Variants in NR3C1 observed in about 807,000 individuals in gnomAD.
NR3C1 encodes the protein glucocorticoid receptor.
A neutral mutation model predicts 74.0 loss-of-function variants in NR3C1; 14 were observed. That is an observed-to-expected ratio of 0.19 (90% confidence interval 0.12 to 0.30). The LOEUF (loss-of-function observed/expected upper bound fraction) is 0.30. NR3C1 is among the 10% of genes least tolerant of loss of function. The pLI is 1.00. For missense variants in NR3C1, 695 were observed against 909.8 expected (o/e 0.76, Z 3.04); for synonymous variants, 308 against 332.5 (o/e 0.93, Z 0.80).
In NR3C1 at chr5:143,279,530, C is replaced by A; in HGVS notation, c.*2359G>T. ...AAAATTTATCCAGCCGGGTTACACA[C>A]CATCTTAAAATATTACATTCCCTTT... is the stretch of plus-strand genomic sequence containing the variant. On this transcript the variant is annotated 3_prime_UTR_variant, in exon 9 of 9. Transcript: ENST00000394464. 1.0e-6 allele frequency: 1 copy of A among 954,960 alleles called. No homozygotes were observed. The highest frequency in any genetic ancestry group is 1.4e-6 in the Non-Finnish European group (1 of 690,758). 59.2% of individuals were successfully genotyped at this position (954,960 alleles called of 1,614,324 possible).
intron 1 of NR3C1, among the ~76,000 whole-genome samples, chr5:143,418,432 A>G (rs192054221): frequency 5.5e-4 from 84 of 152,250 alleles, no homozygotes; most frequent in African/African-American, 1.6e-3. Context: ...CTGCTTAAGT[A>G]TCTGGACTTT....
intron 7 of NR3C1, among the ~76,000 whole-genome samples, chr5:143,293,523 T>C (rs1488692362): frequency 6.6e-6 from 1 of 152,108 alleles, no homozygotes; most frequent in Non-Finnish European, 1.5e-5. Flanking sequence ...CCTATTGAAA[T>C]CATTTTAAAA....
intron 2 of NR3C1, among the ~76,000 whole-genome samples, chr5:143,344,717 A>G (rs529196459): frequency 6.6e-6 from 1 of 152,242 alleles, no homozygotes; most frequent in South Asian, 2.1e-4. Flanking sequence ...TACTAAAAAT[A>G]CAAAAATTAG....
At chr5:143,386,428 G>A (rs1178635844) in intron 2 of NR3C1, among the ~76,000 whole-genome samples, 1 of 152,176 alleles carries the variant, frequency 6.6e-6, no homozygotes, top group Non-Finnish European at 1.5e-5. Flanking sequence ...TTAAAAGAAT[G>A]GGATCCGCAT....
At chr5:143,311,953 C>A (rs76794467) in intron 3 of NR3C1, among the ~76,000 whole-genome samples, 1 of 115,598 alleles carries the variant, frequency 8.7e-6, no homozygotes, top group African/African-American at 2.9e-5. Context: ...GCCACAGTGC[C>A]CAGCCCATTT....
In NR3C1 at chr5:143,400,619, T is replaced by A. The variant is rs764541357; in HGVS notation, c.221A>T (p.Gln74Leu). 6.2e-7 allele frequency: 1 copy of A among 1,614,246 alleles called. No homozygotes were observed. Among genetic ancestry groups the A allele is most frequent in the Non-Finnish European group, 8.5e-7 (1 of 1,180,032 alleles). ...AACTGCTTTGGACAGATCTGGCTGC[T>A]GCGCATTGCTTACTGAGCCTTTTGG... is the stretch of plus-strand genomic sequence containing the variant. ...DFPKGSVSNA[Q>L]QPDLSKAVSL... The change falls in exon 2 of 9, where the codon CAG (glutamine) becomes CTG (leucine). Residue 74 changes from glutamine to leucine, a missense_variant. Transcript: ENST00000394464.
At chr5:143,431,845 C>G (rs960535578) in intron 1 of NR3C1, among the ~76,000 whole-genome samples, 1 of 152,138 alleles carries the variant, frequency 6.6e-6, no homozygotes, top group Non-Finnish European at 1.5e-5. Context: ...GGTAGTAACA[C>G]TATGGTTTAA....
At chr5:143,309,337 C>T (rs1380359277) in intron 4 of NR3C1, among the ~76,000 whole-genome samples, 6 of 152,128 alleles carry the variant, frequency 3.9e-5, no homozygotes, top group East Asian at 1.9e-4. Flanking sequence ...TCCCAAAGTG[C>T]GGGGAGACCA....
At chr5:143,398,357 T>TG (rs34841797) in intron 2 of NR3C1, among the ~76,000 whole-genome samples, 1,203 of 80,282 alleles carry the variant, frequency 0.015, 12 homozygotes, top group African/African-American at 0.028. Context: ...GGTTTTTTGG[T>TG]TTTTTTTTTT....
chr5:143,313,200 G>T (rs1456481575), intron 3 of NR3C1, among the ~76,000 whole-genome samples: 2 of 152,172 alleles, frequency 1.3e-5, no homozygotes, highest in Admixed American at 1.3e-4. Context: ...TTTCCTAGAG[G>T]AGTCACTGGT....
rs959230086 is a variant in NR3C1, at chr5:143,280,072, A to C, written c.*1817T>G. On this transcript the variant is annotated 3_prime_UTR_variant, in exon 9 of 9. Transcript: ENST00000394464. The stretch of plus-strand genomic sequence containing the variant: ...TTCACTGCACACAGGACCAGTCTCC[A>C]TCTCCCTCTTCCCCTAGAGCAAACT... 6.6e-6 allele frequency: 1 copy of C among 152,530 alleles called. No individual in the cohort carries two copies. The highest frequency in any genetic ancestry group is 1.5e-5 in the Non-Finnish European group (1 of 68,072). 9.4% of individuals were successfully genotyped at this position (152,530 alleles called of 1,614,324 possible).
intron 2 of NR3C1, among the ~76,000 whole-genome samples, chr5:143,349,758 C>G (rs926460095): frequency 5.3e-5 from 8 of 152,126 alleles, no homozygotes; most frequent in African/African-American, 1.9e-4. Flanking sequence ...GTGAAAAACA[C>G]AAACATGAAC....
intron 4 of NR3C1, among the ~76,000 whole-genome samples, chr5:143,308,381 T>A (rs1337510993): frequency 6.6e-6 from 1 of 152,120 alleles, no homozygotes; most frequent in African/African-American, 2.4e-5. Flanking sequence ...GGAAGATGGC[T>A]TGAGTCTAGG....
At chr5:143,301,769 A>G (rs944793223) in intron 4 of NR3C1, among the ~76,000 whole-genome samples, 3 of 152,140 alleles carry the variant, frequency 2.0e-5, no homozygotes, top group Admixed American at 2.0e-4. Context: ...TGCAAAGGGA[A>G]GAGTAAATGT....
intron 2 of NR3C1, among the ~76,000 whole-genome samples, chr5:143,328,075 C>T (rs748231770): frequency 1.1e-4 from 17 of 152,242 alleles, no homozygotes; most frequent in Middle Eastern, 3.2e-3. Flanking sequence ...GACATCCAGG[C>T]GTTTCTATAC....
chr5:143,285,494 T>C (rs527747043), intron 7 of NR3C1, among the ~76,000 whole-genome samples: 1 of 152,196 alleles, frequency 6.6e-6, no homozygotes, highest in Non-Finnish European at 1.5e-5. Context: ...TTTTCAAGTA[T>C]ACACAGAACA....
intron 1 of NR3C1, among the ~76,000 whole-genome samples, chr5:143,410,087 G>A (rs180884096): frequency 2.6e-5 from 4 of 152,312 alleles, no homozygotes; most frequent in Admixed American, 1.3e-4. Context: ...AGGCATTAGA[G>A]CAAGCACACT....
chr5:143,293,443 G>T (rs1328794925), intron 7 of NR3C1, among the ~76,000 whole-genome samples: 1 of 152,122 alleles, frequency 6.6e-6, no homozygotes, highest in Non-Finnish European at 1.5e-5. Context: ...GGTGATGGGT[G>T]CACCAAAATC....
rs185450053 is a variant in NR3C1 at position 143,356,002 on chromosome 5, T to C, written c.1185-41834A>G. On this transcript the variant is annotated intron_variant, in intron 2 of 8. Coordinates refer to ENST00000394464, the MANE Select transcript of NR3C1 (RefSeq NM_000176.3). ...CACAGAGAAGGAATGCCTAGAGACA[T>C]AGAGTGTCTTTTCAAGATAGATCAA... is the stretch of plus-strand genomic sequence containing the variant. Among the ~76,000 whole-genome samples, 890 of 150,284 alleles carry C rather than the reference T, an allele frequency of 5.9e-3. 11 individuals are homozygous for C. The highest frequency in any genetic ancestry group is 0.021 in the African/African-American group (840 of 39,690).
Sources: gnomAD v4.1 joint callset for allele counts (sites outside exome capture counted in the v4.1 genomes callset) on GRCh38, gnomAD v4.1.1 for gene constraint, MANE v1.5 for transcripts, NCBI Gene and HGNC (gene_info 2026-07-23, HGNC 2026-07-21) for gene names.